The following PGM5 variants were observed in gnomAD, a reference collection of about 807,000 sequenced individuals.
PGM5 encodes phosphoglucomutase 5.
In PGM5, 23 loss-of-function variants were observed where a neutral mutation model predicts 59.2. The ratio of observed to expected loss-of-function variants is 0.39; its 90% CI spans 0.28 to 0.55. PGM5 has a LOEUF of 0.55. Among genes scored for constraint, PGM5 ranks in the 20% least tolerant of loss-of-function variants. PGM5 has a pLI of 0.66. For missense variants in PGM5, 574 were observed against 748.3 expected, an observed-to-expected ratio of 0.77 and a Z score of 2.72; for synonymous variants, 214 against 286.0, an observed-to-expected ratio of 0.75 and a Z score of 2.54.
intron 6 of PGM5, among the ~76,000 whole-genome samples, chr9:68,408,590 T>C (rs1822863889): frequency 6.6e-6 from 1 of 152,202 alleles, no homozygotes; most frequent in Non-Finnish European, 1.5e-5. Context: ...TAGATCCCAT[T>C]TGTCAATTTT....
intron 1 of PGM5, 121 bp downstream of exon 1, chr9:68,357,509 C>T: frequency 1.3e-6 from 2 of 1,494,486 alleles, no homozygotes; most frequent in Non-Finnish European, 1.8e-6. Flanking sequence ...GCTTTGCTAC[C>T]TCACTCCCGC....
Position 68,359,406 on chromosome 9 carries a change from G to A in PGM5, c.261+2018G>A, listed in dbSNP as rs557678616. Among the ~76,000 whole-genome samples the A allele has an allele frequency of 1.6e-4, 25 of 152,276 alleles. No individual in the cohort carries two copies. The East Asian group carries it at 4.4e-3, about 27-fold the overall frequency. On this transcript the variant is annotated intron_variant, in intron 1 of 10. Transcript: ENST00000396396. The stretch of plus-strand genomic sequence containing the variant: ...ACTTCTAAGAGGGGTGGGCATGGGT[G>A]AAGGGAATGGTGGACATGTTTCAGA...
At chr9:68,444,370 G>T (rs1823577786) in intron 6 of PGM5, among the ~76,000 whole-genome samples, 1 of 152,100 alleles carries the variant, frequency 6.6e-6, no homozygotes, top group Non-Finnish European at 1.5e-5. Flanking sequence ...ATAAGGAAAT[G>T]GGTCAAGTAG....
intron 8 of PGM5, among the ~76,000 whole-genome samples, chr9:68,481,056 T>C (rs1483548623): frequency 6.6e-6 from 1 of 152,180 alleles, no homozygotes; most frequent in Non-Finnish European, 1.5e-5. Context: ...TTGTGACTCA[T>C]TTTGCTTTGT....
intron 6 of PGM5, among the ~76,000 whole-genome samples, chr9:68,417,731 T>G (rs1490709698): frequency 6.6e-6 from 1 of 152,216 alleles, no homozygotes; most frequent in Non-Finnish European, 1.5e-5. Context: ...CGCTGAGGCC[T>G]TACTCCTTTT....
At chr9:68,458,953 A>T (rs958207542) in intron 6 of PGM5, among the ~76,000 whole-genome samples, 1 of 152,192 alleles carries the variant, frequency 6.6e-6, no homozygotes, top group Non-Finnish European at 1.5e-5. Context: ...GCCTTTTACC[A>T]TACAGCAGCC....
At chr9:68,482,529 G>A (rs1424789557) in intron 8 of PGM5, among the ~76,000 whole-genome samples, 2 of 152,170 alleles carry the variant, frequency 1.3e-5, no homozygotes, top group African/African-American at 4.8e-5. Flanking sequence ...ATATGCTGAT[G>A]TTTACTGGAT....
chr9:68,369,818 C>T (rs1264465711), intron 1 of PGM5, among the ~76,000 whole-genome samples: 6 of 152,210 alleles, frequency 3.9e-5, no homozygotes, highest in Non-Finnish European at 7.4e-5. Flanking sequence ...AGCTCTCTTA[C>T]TTCCATCTGG....
rs75932708 is a variant in PGM5 at position 68,461,306 on chromosome 9, G to C, written c.1044-3787G>C. On this transcript the variant is annotated intron_variant, in intron 6 of 10. Coordinates refer to ENST00000396396, the MANE Select transcript of PGM5 (RefSeq NM_021965.4). ...CAGATCTGAAAGAGGAGTTCCATTG[G>C]CTAGAACTTGAGTTTCATTGGCTAG... Among the ~76,000 whole-genome samples the C allele has an allele frequency of 9.5e-3, 1,439 of 152,238 alleles. 24 individuals are homozygous for C. The highest frequency in any genetic ancestry group is 0.032 in the African/African-American group (1,345 of 41,532).
chr9:68,434,093 G>T (rs1041895440), intron 6 of PGM5, among the ~76,000 whole-genome samples: 3 of 152,092 alleles, frequency 2.0e-5, no homozygotes, highest in Non-Finnish European at 4.4e-5. Flanking sequence ...GAGGCAGATG[G>T]ATCACTTGAG....
intron 9 of PGM5, among the ~76,000 whole-genome samples, chr9:68,495,220 G>A (rs1010119102): frequency 6.6e-5 from 10 of 151,976 alleles, no homozygotes; most frequent in Non-Finnish European, 1.3e-4. Flanking sequence ...GACTTGTGGC[G>A]GCAAAAACAC....
intron 6 of PGM5, among the ~76,000 whole-genome samples, chr9:68,441,814 C>T (rs1011552355): frequency 2.0e-5 from 3 of 152,048 alleles, no homozygotes; most frequent in African/African-American, 7.2e-5. Flanking sequence ...AATATGGATT[C>T]TATTCATAAA....
intron 3 of PGM5, 99 bp from the exon 4 acceptor site, chr9:68,387,364 C>A (rs1453487093): frequency 5.7e-6 from 6 of 1,044,992 alleles, no homozygotes; most frequent in Non-Finnish European, 8.6e-6. Context: ...GGGCTTGTGA[C>A]CAGAATTTCA....
intron 6 of PGM5, among the ~76,000 whole-genome samples, chr9:68,452,728 C>A (rs557017308): frequency 8.5e-5 from 13 of 152,222 alleles, no homozygotes; most frequent in Non-Finnish European, 1.9e-4. Context: ...ATGCCTTCAG[C>A]TGTCCCCACT....
At chr9:68,520,433 A>T (rs1824885318) in intron 10 of PGM5, among the ~76,000 whole-genome samples, 1 of 152,204 alleles carries the variant, frequency 6.6e-6, no homozygotes, top group African/African-American at 2.4e-5. Context: ...TTATTAGAAT[A>T]AGTATACAAT....
chr9:68,403,871 G>A (rs1554680892), intron 6 of PGM5, among the ~76,000 whole-genome samples: 1 of 152,184 alleles, frequency 6.6e-6, no homozygotes, highest in Non-Finnish European at 1.5e-5. Flanking sequence ...CAATACATCT[G>A]TAATTTTGAC....
rs1313460826 is a variant in PGM5 at position 68,437,908 on chromosome 9, A to C, written c.1044-27185A>C. On this transcript the variant is annotated intron_variant, in intron 6 of 10. Coordinates refer to ENST00000396396, the MANE Select transcript of PGM5 (RefSeq NM_021965.4). The surrounding 1 kb of genome is among the most constrained non-coding windows in gnomAD (Gnocchi z 4.1). ...CTGTCTAGTTCATCATTGTCCCCATAATTCTCTGTTGTCACATATCCAGCT... is the reference window on the plus strand; with the variant it reads ...CTGTCTAGTTCATCATTGTCCCCATCATTCTCTGTTGTCACATATCCAGCT... Among the ~76,000 whole-genome samples, 2 of 152,014 alleles carry C rather than the reference A, an allele frequency of 1.3e-5. No homozygotes were observed. The highest frequency in any genetic ancestry group is 2.9e-5 in the Non-Finnish European group (2 of 68,004).
At chr9:68,367,666 A>C (rs1554676808) in intron 1 of PGM5, among the ~76,000 whole-genome samples, 2 of 152,104 alleles carry the variant, frequency 1.3e-5, no homozygotes, top group Non-Finnish European at 1.5e-5. Flanking sequence ...CATAAATAAC[A>C]ATAAATTGTT....
At chr9:68,456,693 C>A (rs1027893212) in intron 6 of PGM5, among the ~76,000 whole-genome samples, 1 of 147,366 alleles carries the variant, frequency 6.8e-6, no homozygotes, top group Non-Finnish European at 1.5e-5. Flanking sequence ...GGTGCAATCT[C>A]GGCTCACTGC....
Sources: gnomAD v4.1 joint callset for allele counts (sites outside exome capture counted in the v4.1 genomes callset) on GRCh38, gnomAD v4.1.1 for gene constraint, Gnocchi (gnomAD v3.1) non-coding constraint, MANE v1.5 for transcripts, NCBI Gene and HGNC (gene_info 2026-07-23, HGNC 2026-07-21) for gene names.